Variants in NAALADL2 observed in about 807,000 individuals in gnomAD.
NAALADL2 encodes the protein N-acetylated alpha-linked acidic dipeptidase like 2.
A neutral mutation model predicts 87.2 loss-of-function variants in NAALADL2; 76 were observed. That is an observed-to-expected ratio of 0.87 (90% CI 0.72 to 1.05). NAALADL2 has a LOEUF of 1.05. Ranked by LOEUF, NAALADL2 falls within the 50% of genes least tolerant of loss-of-function variation. The probability of loss-of-function intolerance (pLI) is 0.00; values close to 1 mark genes in which losing one functional copy is unlikely to be tolerated. For missense variants in NAALADL2, 1,089 were observed against 945.8 expected (o/e 1.15, Z -1.99); for synonymous variants, 354 against 331.0 (o/e 1.07, Z -0.75).
intron 1 of NAALADL2, among the ~76,000 whole-genome samples, chr3:174,969,370 A>G (rs1743301680): frequency 1.3e-5 from 2 of 151,814 alleles, no homozygotes; most frequent in African/African-American, 2.4e-5. Context: ...AATATTTTCT[A>G]TTTTTATCTC....
At chr3:174,471,123 G>A (rs1185783307) in intron 1 of NAALADL2, among the ~76,000 whole-genome samples, 2 of 151,654 alleles carry the variant, frequency 1.3e-5, no homozygotes, top group African/African-American at 2.4e-5. Context: ...TTAATTTGAT[G>A]GTTAAAACAT....
At chr3:175,408,928 C>G (rs1388633992) in intron 5 of NAALADL2, among the ~76,000 whole-genome samples, 1 of 151,900 alleles carries the variant, frequency 6.6e-6, no homozygotes, top group African/African-American at 2.4e-5. Flanking sequence ...TACACTTATT[C>G]ATAAACTATG....
chr3:174,550,506 C>G (rs985378805), intron 1 of NAALADL2: 1 of 151,914 alleles, frequency 6.6e-6, no homozygotes, highest in African/African-American at 2.4e-5. Flanking sequence ...GACTTGTTTT[C>G]TTTAGGCTAG....
In NAALADL2 at chr3:175,558,215, A is replaced by C. The variant is rs900185595; in HGVS notation, c.1654-17826A>C. Among the ~76,000 whole-genome samples, 28 of 149,328 alleles carry C rather than the reference A, an allele frequency of 1.9e-4. No individual in the cohort carries two copies. In the South Asian group the frequency reaches 3.0e-3, roughly 16 times the overall value. The stretch of plus-strand genomic sequence containing the variant: ...GTCTCAAAAAAAAAAAAAAAAAAAA[A>C]AAGAAAGAAAGAAAGAAAAATGTCT... On this transcript the variant is annotated intron_variant, in intron 9 of 13. Coordinates refer to ENST00000454872, the MANE Select transcript of NAALADL2 (RefSeq NM_207015.3).
At chr3:175,290,903 G>GTT (rs143382472) in intron 4 of NAALADL2, among the ~76,000 whole-genome samples, 2 of 151,566 alleles carry the variant, frequency 1.3e-5, no homozygotes, top group African/African-American at 4.9e-5. Context: ...GTGTGTGCGT[G>GTT]TTTTTTTTCT....
chr3:174,916,430 G>C (rs1229406385), intron 1 of NAALADL2, among the ~76,000 whole-genome samples: 2 of 152,068 alleles, frequency 1.3e-5, no homozygotes, highest in African/African-American at 2.4e-5. Flanking sequence ...GTTTATAGCA[G>C]CACAATTCAC....
intron 3 of NAALADL2, among the ~76,000 whole-genome samples, chr3:174,767,138 G>A (rs570134451): frequency 1.3e-5 from 2 of 152,124 alleles, no homozygotes; most frequent in Admixed American, 6.5e-5. Context: ...TGAGGGATTT[G>A]GTTGAAAGAT....
At chr3:175,698,576 A>G (rs1333155158) in intron 11 of NAALADL2, among the ~76,000 whole-genome samples, 1 of 148,866 alleles carries the variant, frequency 6.7e-6, no homozygotes, top group Non-Finnish European at 1.5e-5. Context: ...TGGTGCCTGG[A>G]AAGAGTAAGA....
intron 5 of NAALADL2, among the ~76,000 whole-genome samples, chr3:175,422,745 C>T (rs985478420): frequency 6.6e-6 from 1 of 151,934 alleles, no homozygotes; most frequent in African/African-American, 2.4e-5. Context: ...TAAACAAAAA[C>T]TAGTCATCAG....
chr3:175,395,625 C>G (rs1769681041), intron 5 of NAALADL2, among the ~76,000 whole-genome samples: 1 of 152,216 alleles, frequency 6.6e-6, no homozygotes, highest in African/African-American at 2.4e-5. Context: ...TGACCACATG[C>G]CTGGAATGTT....
chr3:174,955,835 G>C (rs1288760104), intron 1 of NAALADL2, among the ~76,000 whole-genome samples: 2 of 152,004 alleles, frequency 1.3e-5, no homozygotes, highest in Non-Finnish European at 2.9e-5. Flanking sequence ...GGCCTCGCTG[G>C]GGTGGGGCCC....
intron 1 of NAALADL2, among the ~76,000 whole-genome samples, chr3:174,998,610 AC>A (rs1747840292): frequency 6.6e-6 from 1 of 152,168 alleles, no homozygotes; most frequent in Non-Finnish European, 1.5e-5. Flanking sequence ...TAACCATTGC[AC>A]ATTTTCAGCT....
chr3:174,930,639 T>TTTTTTTTTA (rs1491176602), intron 1 of NAALADL2, among the ~76,000 whole-genome samples: 1 of 136,264 alleles, frequency 7.3e-6, no homozygotes, highest in Admixed American at 7.6e-5. Flanking sequence ...TTTTTTTTTT[T>TTTTTTTTTA]GAGACAGAGT....
intron 2 of NAALADL2, among the ~76,000 whole-genome samples, chr3:175,125,848 C>G (rs7616809): frequency 0.071 from 10,773 of 151,294 alleles, 799 homozygotes; most frequent in African/African-American, 0.19. Flanking sequence ...GTGGAGATTA[C>G]CAAAAGAGTA....
intron 1 of NAALADL2, among the ~76,000 whole-genome samples, chr3:175,054,003 T>G (rs1408164632): frequency 6.6e-6 from 1 of 152,248 alleles, no homozygotes; most frequent in Non-Finnish European, 1.5e-5. Context: ...TGCTAACTAT[T>G]GTTTGCAATT....
At chr3:174,498,625 C>CATAT (rs568376499) in intron 1 of NAALADL2, among the ~76,000 whole-genome samples, 1 of 149,646 alleles carries the variant, frequency 6.7e-6, no homozygotes, top group African/African-American at 2.4e-5. Flanking sequence ...TATATATAAA[C>CATAT]ATATATATAT....
intron 3 of NAALADL2, among the ~76,000 whole-genome samples, chr3:174,777,315 C>T (rs1424744383): frequency 2.0e-5 from 3 of 152,026 alleles, no homozygotes; most frequent in Non-Finnish European, 4.4e-5. Context: ...GTCCTTCTTC[C>T]TCTGTTCTAA....
intron 2 of NAALADL2, among the ~76,000 whole-genome samples, chr3:174,721,445 C>G (rs1468700474): frequency 6.6e-6 from 1 of 152,084 alleles, no homozygotes; most frequent in Non-Finnish European, 1.5e-5. Context: ...GAGGTGAAGA[C>G]TGTGACGCAG....
chr3:175,155,304 T>G (rs1313765898), intron 2 of NAALADL2, among the ~76,000 whole-genome samples: 2 of 152,140 alleles, frequency 1.3e-5, no homozygotes, highest in Non-Finnish European at 2.9e-5. Context: ...TGAGTACCTG[T>G]TTTGTGTAAC....
Sources: allele counts gnomAD v4.1 joint callset (sites outside exome capture counted in the v4.1 genomes callset), GRCh38; gene constraint gnomAD v4.1.1; transcripts MANE v1.5; gene names NCBI Gene and HGNC (gene_info 2026-07-23, HGNC 2026-07-21).